The following NCALD variants were observed in gnomAD, a reference collection of about 807,000 sequenced individuals.
The protein encoded by NCALD is neurocalcin-delta.
In NCALD, 10 loss-of-function variants were observed where a neutral mutation model predicts 18.6. The observed-to-expected ratio is 0.54, with a 90% CI of 0.33 to 0.91. NCALD has a LOEUF of 0.91. NCALD is among the 40% of genes least tolerant of loss of function. The pLI is 0.03. For synonymous variants in NCALD, 88 were observed against 87.4 expected (o/e 1.01, Z -0.04); for missense variants, 184 against 247.6 (o/e 0.74, Z 1.72).
intron 2 of NCALD, among the ~76,000 whole-genome samples, chr8:101,700,646 A>G (rs6468787): frequency 0.46 from 69,808 of 151,944 alleles, 17,695 homozygotes; most frequent in African/African-American, 0.66. Flanking sequence ...GTAATAATCT[A>G]GGGGTTATTC....
intron 2 of NCALD, among the ~76,000 whole-genome samples, chr8:101,946,481 A>AT (rs1324521171): frequency 6.6e-6 from 1 of 152,114 alleles, no homozygotes; most frequent in Non-Finnish European, 1.5e-5. Flanking sequence ...ATGGAGCTCA[A>AT]TTTTTTTGCA....
intron 1 of NCALD, among the ~76,000 whole-genome samples, chr8:102,053,892 C>T (rs866097143): frequency 2.0e-5 from 3 of 152,230 alleles, no homozygotes; most frequent in Non-Finnish European, 4.4e-5. Flanking sequence ...ATCGAATGCT[C>T]TCCCAGTTCT....
chr8:101,721,754 C>G (rs534091293), intron 1 of NCALD, among the ~76,000 whole-genome samples: 1 of 152,182 alleles, frequency 6.6e-6, no homozygotes, highest in African/African-American at 2.4e-5. Flanking sequence ...ACCTGCCCTG[C>G]TCATATGCAG....
intron 4 of NCALD, among the ~76,000 whole-genome samples, chr8:101,846,326 C>A (rs749730107): frequency 3.9e-5 from 6 of 152,172 alleles, no homozygotes; most frequent in Non-Finnish European, 8.8e-5. Flanking sequence ...CACAATCTTG[C>A]CAACATCTCA....
chr8:102,032,259 G>A (rs963453948), intron 1 of NCALD, among the ~76,000 whole-genome samples: 3 of 152,054 alleles, frequency 2.0e-5, no homozygotes, highest in Non-Finnish European at 1.5e-5. Context: ...AGATTCCTAC[G>A]GCCACCTACT....
intron 2 of NCALD, chr8:101,950,496 T>G (rs948235204): frequency 3.9e-5 from 6 of 152,214 alleles, no homozygotes; most frequent in Admixed American, 1.3e-4. Context: ...TATAATAGAT[T>G]GCATTATCTT....
chr8:101,754,178 C>A (rs1254777374), intron 1 of NCALD, among the ~76,000 whole-genome samples: 2 of 152,148 alleles, frequency 1.3e-5, no homozygotes, highest in African/African-American at 4.8e-5. Context: ...GCATTTCCAG[C>A]AACCAGTACA....
intron 2 of NCALD, among the ~76,000 whole-genome samples, chr8:101,951,413 C>T (rs931609010): frequency 5.3e-5 from 8 of 152,026 alleles, no homozygotes; most frequent in African/African-American, 1.7e-4. Flanking sequence ...GAGGAGCTGG[C>T]GAAGACGGAA....
chr8:101,784,782 G>C (rs942511983), intron 1 of NCALD, among the ~76,000 whole-genome samples: 1 of 152,154 alleles, frequency 6.6e-6, no homozygotes, highest in Non-Finnish European at 1.5e-5. Context: ...CTGGGCAACA[G>C]AGTGAGAACC....
chr8:102,069,910 TTCAAGA>T (rs1446791820), intron 1 of NCALD: 1 of 150,874 alleles, frequency 6.6e-6, no homozygotes, highest in Non-Finnish European at 1.5e-5. Context: ...AGGCCAGGAG[TTCAAGA>T]TCAGCCTGGG....
intron 1 of NCALD, among the ~76,000 whole-genome samples, chr8:102,058,089 G>A (rs575873327): frequency 6.6e-6 from 1 of 152,130 alleles, no homozygotes; most frequent in Admixed American, 6.5e-5. Flanking sequence ...AGCCAGCAAG[G>A]TCTCCTTTTA....
At chr8:101,793,410 C>T (rs1048277981), upstream of NCALD, among the ~76,000 whole-genome samples, 64 of 151,732 alleles carry the variant, frequency 4.2e-4, no homozygotes, top group African/African-American at 1.4e-3. Flanking sequence ...GTGCATGTAG[C>T]CCTTTTTTTC....
chr8:101,959,223 AT>A (rs914454697), intron 2 of NCALD, among the ~76,000 whole-genome samples: 114 of 150,682 alleles, frequency 7.6e-4, no homozygotes, highest in African/African-American at 2.1e-3. Context: ...CAGGCTAGTT[AT>A]TTTTTTTTAA....
chr8:101,980,527 A>C (rs1820581858), intron 2 of NCALD, among the ~76,000 whole-genome samples: 2 of 152,240 alleles, frequency 1.3e-5, no homozygotes, highest in African/African-American at 2.4e-5. Context: ...AAGAAGGCAA[A>C]GTATCTGGAA....
At chr8:102,112,723 G>A (rs758535527) in intron 1 of NCALD, among the ~76,000 whole-genome samples, 4 of 152,172 alleles carry the variant, frequency 2.6e-5, no homozygotes, top group Admixed American at 6.5e-5. Context: ...TGCTTGGGTC[G>A]TGGGGGTGGG....
intron 2 of NCALD, among the ~76,000 whole-genome samples, chr8:101,703,703 G>C (rs189160722): frequency 2.5e-4 from 38 of 152,336 alleles, no homozygotes; most frequent in African/African-American, 8.7e-4. Flanking sequence ...ATACCTGGTG[G>C]ACTCACTGAT....
intron 4 of NCALD, among the ~76,000 whole-genome samples, chr8:101,831,578 A>G (rs576217337): frequency 1.4e-3 from 211 of 152,258 alleles, no homozygotes; most frequent in African/African-American, 4.9e-3. Context: ...TGGGATCATG[A>G]GACAGACTTG....
intron 4 of NCALD, among the ~76,000 whole-genome samples, chr8:101,835,268 C>T (rs1413160292): frequency 3.3e-5 from 5 of 152,252 alleles, no homozygotes; most frequent in African/African-American, 1.2e-4. Context: ...CTTGGCCCTT[C>T]CATCATATGG....
chr8:101,706,329 A>AG, intron 2 of NCALD, among the ~76,000 whole-genome samples: 1 of 151,522 alleles, frequency 6.6e-6, no homozygotes, highest in African/African-American at 2.4e-5. Context: ...AAAAAAAAAA[A>AG]GGGAGTGGTG....
Sources: gnomAD v4.1 joint callset for allele counts (sites outside exome capture counted in the v4.1 genomes callset) on GRCh38, gnomAD v4.1.1 for gene constraint, MANE v1.5 for transcripts, NCBI Gene and HGNC (gene_info 2026-07-23, HGNC 2026-07-21) for gene names.